The following AUTS2 variants were observed in gnomAD, a reference collection of about 807,000 sequenced individuals.
AUTS2 encodes activator of transcription and developmental regulator AUTS2.
A neutral mutation model predicts 112.4 loss-of-function variants in AUTS2; 17 were observed. That is an observed-to-expected ratio of 0.15 (90% confidence interval 0.10 to 0.23). AUTS2 has a LOEUF of 0.23. Ranked by LOEUF, AUTS2 falls within the 10% of genes least tolerant of loss-of-function variation. The pLI, the probability that AUTS2 is intolerant of heterozygous loss-of-function variation, is 1.00. For synonymous variants in AUTS2, 751 were observed against 702.7 expected (o/e 1.07, Z -1.09); for missense variants, 1,510 against 1,701.6 (o/e 0.89, Z 1.98).
intron 2 of AUTS2, among the ~76,000 whole-genome samples, chr7:70,093,620 G>A (rs969246139): frequency 6.6e-6 from 1 of 152,176 alleles, no homozygotes; most frequent in Non-Finnish European, 1.5e-5. Context: ...GAGACACGAA[G>A]GACATGTACA....
intron 1 of AUTS2, among the ~76,000 whole-genome samples, chr7:69,754,240 G>A (rs1479883673): frequency 1.3e-5 from 2 of 152,160 alleles, no homozygotes; most frequent in African/African-American, 4.8e-5. Flanking sequence ...TTGAGAAGGG[G>A]TGGGGACAAC....
intron 1 of AUTS2, among the ~76,000 whole-genome samples, chr7:69,612,099 G>A (rs1353884914): frequency 4.6e-5 from 7 of 152,220 alleles, no homozygotes; most frequent in South Asian, 2.1e-4. Context: ...AATCACTGAC[G>A]ATGATTATAA....
chr7:70,621,838 CT>C (rs67123941), intron 5 of AUTS2, among the ~76,000 whole-genome samples: 65 of 66,806 alleles, frequency 9.7e-4, no homozygotes, highest in Admixed American at 2.2e-3. Context: ...TAGTCATTCT[CT>C]TTTTTTTTTT....
intron 6 of AUTS2, among the ~76,000 whole-genome samples, chr7:70,711,185 T>G (rs1284234416): frequency 6.6e-6 from 1 of 152,192 alleles, no homozygotes; most frequent in East Asian, 1.9e-4. Context: ...TCTTTCCTTC[T>G]CAGGGCCCTC....
intron 2 of AUTS2, among the ~76,000 whole-genome samples, chr7:70,080,489 A>G (rs527527054): frequency 6.8e-4 from 103 of 152,332 alleles, no homozygotes; most frequent in Non-Finnish European, 1.0e-3. Context: ...TGTGAATGTT[A>G]ATTTTCCCAT....
At chr7:70,482,480 A>G (rs1402857449) in intron 5 of AUTS2, among the ~76,000 whole-genome samples, 1 of 152,206 alleles carries the variant, frequency 6.6e-6, no homozygotes, top group Non-Finnish European at 1.5e-5. Flanking sequence ...CAGAGGAGTC[A>G]CTGGACATTT....
rs976415520 is a variant in AUTS2 at position 69,926,726 on chromosome 7, C to CT, written c.522+27236dup. Among the ~76,000 whole-genome samples the CT allele has an allele frequency of 9.5e-5, 14 of 147,662 alleles. No homozygotes were observed. The South Asian group carries it at 1.1e-3, about 11-fold the overall frequency. On this transcript the variant is annotated intron_variant, in intron 2 of 18. Coordinates refer to ENST00000342771, the MANE Select transcript of AUTS2 (RefSeq NM_015570.4). ...CCATATTAGCTACAATTATTTTCCT[C>CT]TTTTTTTTGTGGTTGCATTAGGGAA...
chr7:70,175,015 C>T (rs1266199549), intron 4 of AUTS2, among the ~76,000 whole-genome samples: 2 of 152,100 alleles, frequency 1.3e-5, no homozygotes, highest in Non-Finnish European at 2.9e-5. Flanking sequence ...TTAGTGATTT[C>T]CTCTGATGGA....
chr7:69,729,552 A>C (rs1431260368), intron 1 of AUTS2, among the ~76,000 whole-genome samples: 1 of 151,908 alleles, frequency 6.6e-6, no homozygotes, highest in Non-Finnish European at 1.5e-5. Flanking sequence ...TTACATTGCT[A>C]TATCATGATA....
chr7:70,176,405 A>G (rs1343214289), intron 4 of AUTS2, among the ~76,000 whole-genome samples: 1 of 152,144 alleles, frequency 6.6e-6, no homozygotes, highest in Non-Finnish European at 1.5e-5. Flanking sequence ...CTTTTACTCA[A>G]AAGCTCTTAA....
intron 5 of AUTS2, among the ~76,000 whole-genome samples, chr7:70,610,289 A>G (rs761350441): frequency 6.6e-6 from 1 of 152,030 alleles, no homozygotes; most frequent in Non-Finnish European, 1.5e-5. Flanking sequence ...ATGAGCCACC[A>G]CACCCAACCC....
rs147913258 is a variant in AUTS2 at position 69,882,696 on chromosome 7, C to G, written c.310-16590C>G. Among the ~76,000 whole-genome samples, 1,016 of 152,196 alleles carry G rather than the reference C, an allele frequency of 6.7e-3. 12 individuals carry two copies. Among genetic ancestry groups the G allele is most frequent in the Non-Finnish European group, 0.011 (763 of 67,982 alleles). On this transcript the variant is annotated intron_variant, in intron 1 of 18. Transcript: ENST00000342771. ...GCTTCATAAGTTAGGTGATATTATT[C>G]GCTCCATTTTATATATGAGAAAACT...
chr7:70,465,136 T>A (rs1585177742), intron 5 of AUTS2, among the ~76,000 whole-genome samples: 1 of 152,348 alleles, frequency 6.6e-6, no homozygotes, highest in Non-Finnish European at 1.5e-5. Context: ...CTCAGTTTGG[T>A]CCTGGAACTT....
At chr7:69,941,675 A>T (rs6947395) in intron 2 of AUTS2, among the ~76,000 whole-genome samples, 30,463 of 151,026 alleles carry the variant, frequency 0.2, 3,533 homozygotes, top group African/African-American at 0.3. Context: ...AGTAACCATT[A>T]TAGTCGTCAT....
intron 2 of AUTS2, among the ~76,000 whole-genome samples, chr7:70,068,239 G>A (rs1034899458): frequency 2.0e-5 from 3 of 149,772 alleles, no homozygotes; most frequent in Non-Finnish European, 4.4e-5. Context: ...GTGCAGTGGC[G>A]CCATCTCAGC....
intron 6 of AUTS2, chr7:70,729,091 A>C (rs1787205419): frequency 2.2e-6 from 1 of 452,082 alleles, no homozygotes; most frequent in Non-Finnish European, 4.5e-6. Flanking sequence ...GCTCTTGAGA[A>C]CAGCCATTTA....
chr7:70,053,161 C>T (rs1346998430), intron 2 of AUTS2, among the ~76,000 whole-genome samples: 2 of 151,980 alleles, frequency 1.3e-5, no homozygotes, highest in African/African-American at 4.8e-5. Context: ...TAAATAATAG[C>T]CAAAATACCT....
chr7:70,635,509 G>A (rs1269109634), intron 5 of AUTS2, among the ~76,000 whole-genome samples: 7 of 152,178 alleles, frequency 4.6e-5, no homozygotes, highest in African/African-American at 1.7e-4. Context: ...CCGAAGGCCT[G>A]GGTTCCTAAG....
chr7:70,298,777 G>A lies in AUTS2; in HGVS notation c.661-136975G>A, dbSNP rs543975629. Reference sequence around the variant, plus strand: ...GGTCTCAAGTCTAAGGCAAGTTCCTGAGATGAACAAGTGACTGGGAAAACA... The same window carrying A: ...GGTCTCAAGTCTAAGGCAAGTTCCTAAGATGAACAAGTGACTGGGAAAACA... On this transcript the variant is annotated intron_variant, in intron 4 of 18. Coordinates refer to ENST00000342771, the MANE Select transcript of AUTS2 (RefSeq NM_015570.4). 5.3e-5 allele frequency among the ~76,000 whole-genome samples: 8 copies of A among 152,278 alleles called. 1 individual carries two copies. In the South Asian group the frequency reaches 8.3e-4, roughly 16 times the overall value.
Sources: allele counts gnomAD v4.1 joint callset (sites outside exome capture counted in the v4.1 genomes callset), GRCh38; gene constraint gnomAD v4.1.1; transcripts MANE v1.5; gene names NCBI Gene and HGNC (gene_info 2026-07-23, HGNC 2026-07-21).